Variants in SHISA9 observed in about 807,000 individuals in gnomAD.
SHISA9 encodes the protein shisa family member 9.
Under a neutral mutation model 38.0 loss-of-function variants are expected in SHISA9, and 13 were observed. The observed-to-expected ratio is 0.34, with a 90% confidence interval of 0.22 to 0.54. The LOEUF (loss-of-function observed/expected upper bound fraction) is 0.54. Among genes scored for constraint, SHISA9 ranks in the 20% least tolerant of loss-of-function variants. The pLI is 0.91. For synonymous variants in SHISA9, 275 were observed against 242.0 expected (o/e 1.14, Z -1.27); for missense variants, 538 against 575.8 (o/e 0.93, Z 0.67).
At chr16:13,324,896 G>A in the SHISA9 span, among the ~76,000 whole-genome samples, 1 of 152,164 alleles carries the variant, frequency 6.6e-6, no homozygotes, top group Non-Finnish European at 1.5e-5. Flanking sequence ...ATCTCAAAGC[G>A]GGGGCTTCCA....
intron 2 of SHISA9, among the ~76,000 whole-genome samples, chr16:13,056,587 C>T (rs1047236812): frequency 6.6e-6 from 1 of 152,178 alleles, no homozygotes; most frequent in East Asian, 1.9e-4. Flanking sequence ...AATAGCATGA[C>T]TCTGGGCCAG....
the SHISA9 span, among the ~76,000 whole-genome samples, chr16:13,469,206 C>A: frequency 6.7e-6 from 1 of 149,204 alleles, no homozygotes; most frequent in African/African-American, 2.5e-5. Flanking sequence ...CATGCCACTG[C>A]ACTCCAACCT....
intron 2 of SHISA9, among the ~76,000 whole-genome samples, chr16:13,146,816 A>G (rs1030530273): frequency 1.3e-5 from 2 of 152,200 alleles, no homozygotes; most frequent in African/African-American, 4.8e-5. Flanking sequence ...AATGAATGGG[A>G]TCTGTTCTCC....
chr16:13,054,387 T>C (rs1307298295), intron 2 of SHISA9, among the ~76,000 whole-genome samples: 1 of 152,188 alleles, frequency 6.6e-6, no homozygotes, highest in African/African-American at 2.4e-5. Flanking sequence ...TTCCCATCCA[T>C]CCTTTGGTAT....
At chr16:13,198,886 G>T (rs905090453) in intron 2 of SHISA9, among the ~76,000 whole-genome samples, 4 of 152,184 alleles carry the variant, frequency 2.6e-5, no homozygotes, top group Admixed American at 1.3e-4. Flanking sequence ...TCTTTTGAGA[G>T]GGATCGCTTT....
chr16:13,069,578 G>T (rs771955451), intron 2 of SHISA9, among the ~76,000 whole-genome samples: 2 of 151,528 alleles, frequency 1.3e-5, no homozygotes, highest in Non-Finnish European at 2.9e-5. Context: ...ATGTGTATGT[G>T]TGTGTACATG....
chr16:13,533,321 T>C, the SHISA9 span, among the ~76,000 whole-genome samples: 1 of 152,208 alleles, frequency 6.6e-6, no homozygotes, highest in African/African-American at 2.4e-5. Flanking sequence ...ACTTCACCTA[T>C]TCTGTGCCTG....
At chr16:13,368,499 T>C in the SHISA9 span, among the ~76,000 whole-genome samples, 2 of 152,000 alleles carry the variant, frequency 1.3e-5, no homozygotes, top group East Asian at 3.9e-4. Flanking sequence ...AGAGGCTTCG[T>C]TGCGTTAGGG....
At chr16:13,412,216 A>C in the SHISA9 span, among the ~76,000 whole-genome samples, 1 of 152,254 alleles carries the variant, frequency 6.6e-6, no homozygotes, top group African/African-American at 2.4e-5. Flanking sequence ...AATGATATCC[A>C]ACCTGGGGAA....
At chr16:13,145,839 AAC>A (rs1217050355) in intron 2 of SHISA9, among the ~76,000 whole-genome samples, 8 of 152,194 alleles carry the variant, frequency 5.3e-5, no homozygotes, top group Admixed American at 2.0e-4. Context: ...CAGTAAACAA[AAC>A]ACACAAAAAA....
the SHISA9 span, among the ~76,000 whole-genome samples, chr16:13,491,793 G>A: frequency 8.7e-6 from 1 of 114,410 alleles, no homozygotes; most frequent in Admixed American, 9.3e-5. Context: ...CCTGGCCTGG[G>A]ATTTTTAAAT....
the SHISA9 span, among the ~76,000 whole-genome samples, chr16:13,496,176 CAAAA>C: frequency 6.6e-6 from 1 of 151,972 alleles, no homozygotes; most frequent in African/African-American, 2.4e-5. Flanking sequence ...GAAAACAAAA[CAAAA>C]CAACTCAAAA....
chr16:12,943,287 G>A (rs2071636238), intron 2 of SHISA9, among the ~76,000 whole-genome samples: 1 of 64,044 alleles, frequency 1.6e-5, no homozygotes, highest in Non-Finnish European at 2.9e-5. Flanking sequence ...GTGTGTGTGT[G>A]TGTGTGTGTG....
the SHISA9 span, among the ~76,000 whole-genome samples, chr16:13,391,051 A>G: frequency 6.6e-6 from 1 of 152,186 alleles, no homozygotes; most frequent in Admixed American, 6.5e-5. Context: ...AGGAGTGGAG[A>G]AAGAGGATGA....
chr16:12,902,709 C>A, intron 1 of SHISA9, 82 bp downstream of exon 1: 1 of 1,336,686 alleles, frequency 7.5e-7, no homozygotes, highest in Non-Finnish European at 1.0e-6. Context: ...GGCAATGGCG[C>A]TCCCCACGGT....
At chr16:13,245,182 G>A (rs1037523859), downstream of SHISA9, among the ~76,000 whole-genome samples, 3 of 152,338 alleles carry the variant, frequency 2.0e-5, no homozygotes, top group Middle Eastern at 6.8e-3. Context: ...CTCCCAAAGT[G>A]CTGGGATTAC....
chr16:13,335,534 C>G, the SHISA9 span, among the ~76,000 whole-genome samples: 1 of 152,176 alleles, frequency 6.6e-6, no homozygotes, highest in Non-Finnish European at 1.5e-5. Flanking sequence ...GCAAAATTCT[C>G]TTTTGGGACA....
At chr16:13,049,725 C>G (rs1402992221) in intron 2 of SHISA9, among the ~76,000 whole-genome samples, 1 of 152,164 alleles carries the variant, frequency 6.6e-6, no homozygotes, top group Non-Finnish European at 1.5e-5. Context: ...CCTGCTGCTT[C>G]TCCTCCTTGG....
At chr16:13,430,518 C>T in the SHISA9 span, among the ~76,000 whole-genome samples, 2 of 152,114 alleles carry the variant, frequency 1.3e-5, no homozygotes, top group Admixed American at 6.5e-5. Flanking sequence ...CACCCTTACC[C>T]GGTGGGTTTT....
Sources: allele counts gnomAD v4.1 joint callset (sites outside exome capture counted in the v4.1 genomes callset), GRCh38; gene constraint gnomAD v4.1.1; transcripts MANE v1.5; gene names NCBI Gene and HGNC (gene_info 2026-07-23, HGNC 2026-07-21).